Variants in MKLN1 observed in about 807,000 individuals in gnomAD.
MKLN1 encodes the protein muskelin.
Under a neutral mutation model 99.0 loss-of-function variants are expected in MKLN1, and 18 were observed. That is an observed-to-expected ratio of 0.18 (90% CI 0.13 to 0.27). MKLN1 has a LOEUF of 0.27. MKLN1 is among the 10% of genes least tolerant of loss of function. The pLI is 1.00. For synonymous variants in MKLN1, 288 were observed against 293.2 expected, an observed-to-expected ratio of 0.98 and a Z score of 0.18; for missense variants, 621 against 875.9, an observed-to-expected ratio of 0.71 and a Z score of 3.67.
At chr7:131,264,018 A>G (rs918852446) in intron 3 of MKLN1, among the ~76,000 whole-genome samples, 1 of 152,174 alleles carries the variant, frequency 6.6e-6, no homozygotes, top group African/African-American at 2.4e-5. Context: ...TATGGAGTAG[A>G]CACAGGAGTT....
rs979094402 is a variant in MKLN1, at chr7:131,478,560, T to G, written c.2032-63T>G. ...TGGTCAAAGTTATAGAAGGCTATTT[T>G]CCTTCAGTGCACTTAGCCAGCTAAT... On this transcript the variant is annotated intron_variant, in intron 16 of 17. Transcript: ENST00000352689. 11 of 1,440,286 alleles carry G rather than the reference T, an allele frequency of 7.6e-6. No individual in the cohort carries two copies. In the East Asian group the frequency reaches 2.4e-4, roughly 32 times the overall value. The allele number at this position is 1,440,286 out of a possible 1,614,324, so 89.2% of individuals were successfully genotyped here. A position where few individuals can be genotyped will look rare whatever the true frequency, so the allele number is the denominator to read the frequency against.
intron 17 of MKLN1, among the ~76,000 whole-genome samples, chr7:131,482,742 C>T (rs1797161010): frequency 6.6e-6 from 1 of 152,152 alleles, no homozygotes; most frequent in African/African-American, 2.4e-5. Context: ...CTTTTTAGAG[C>T]AGTCATTGTC....
intron 1 of MKLN1, among the ~76,000 whole-genome samples, chr7:131,356,288 T>C (rs1799876947): frequency 6.6e-6 from 1 of 152,056 alleles, no homozygotes; most frequent in African/African-American, 2.4e-5. Flanking sequence ...AGCCTGCCTT[T>C]CCCTAGCTCC....
intron 3 of MKLN1, among the ~76,000 whole-genome samples, chr7:131,292,545 C>T (rs1798236663): frequency 1.3e-5 from 2 of 152,182 alleles, no homozygotes; most frequent in South Asian, 4.1e-4. Context: ...AATCTGACTG[C>T]TGTCCTTATA....
intron 1 of MKLN1, among the ~76,000 whole-genome samples, chr7:131,370,609 G>A (rs1463605633): frequency 1.3e-5 from 2 of 151,830 alleles, no homozygotes; most frequent in Non-Finnish European, 2.9e-5. Flanking sequence ...ATGGGTTTTG[G>A]TATACCACTT....
At position 131,192,096 on chromosome 7, in the gene MKLN1, A is replaced by ATAC. The variant is rs1563247106; in HGVS notation, c.-296-10760_-296-10759insACT. On this transcript the variant is annotated intron_variant, in intron 2 of 7. Transcript: ENST00000416992. ...ATATATACATATATATTATATATAT[A>ATAC]TGTATATATATATTATATATATACG... Among the ~76,000 whole-genome samples the ATAC allele has an allele frequency of 2.9e-3, 238 of 81,486 alleles. 16 individuals carry two copies. Among genetic ancestry groups the ATAC allele is most frequent in the African/African-American group, 3.9e-3 (84 of 21,702 alleles). The allele number at this position is 81,486 out of a possible 152,430, so 53.5% of individuals were successfully genotyped here.
rs1286504602 is a variant in MKLN1, at chr7:131,429,126, C to A, written c.941C>A (p.Ser314Tyr). The A allele has an allele frequency of 6.2e-7, 1 of 1,612,516 alleles. No homozygotes were observed. Among genetic ancestry groups the A allele is most frequent in the East Asian group, 2.2e-5 (1 of 44,844 alleles). The change falls in exon 9 of 18, where the codon TCT becomes TAT. Residue 314 changes from serine (S) to tyrosine (Y), a missense_variant. Transcript: ENST00000352689. ...AAGGAGAACCAGTGGACATGTATCT[C>A]TAGAGACACTGAAAAAGAGGCAAGT... ...SVKENQWTCISRDTEKENGPS... is the reference protein window; with the variant it reads ...SVKENQWTCIYRDTEKENGPS...
At chr7:131,128,318 G>C (rs1287339571) in intron 1 of MKLN1, among the ~76,000 whole-genome samples, 9 of 152,130 alleles carry the variant, frequency 5.9e-5, no homozygotes, top group Admixed American at 2.6e-4. Context: ...CATATAATAG[G>C]GGTGATATGT....
intron 2 of MKLN1, among the ~76,000 whole-genome samples, chr7:131,380,130 G>A (rs1793799492): frequency 6.6e-6 from 1 of 152,150 alleles, no homozygotes; most frequent in Non-Finnish European, 1.5e-5. Flanking sequence ...GCCCTCACAG[G>A]GAGTGAAGTC....
intron 17 of MKLN1, among the ~76,000 whole-genome samples, chr7:131,483,925 A>C (rs1164375726): frequency 6.6e-6 from 1 of 152,220 alleles, no homozygotes; most frequent in Non-Finnish European, 1.5e-5. Context: ...ATTCACAAAT[A>C]TGGAATCTGT....
chr7:131,378,286 AT>A (rs1215828802), intron 2 of MKLN1, among the ~76,000 whole-genome samples: 1 of 152,006 alleles, frequency 6.6e-6, no homozygotes, highest in Non-Finnish European at 1.5e-5. Context: ...TAATTTTTGT[AT>A]TTTTAGTAGA....
At chr7:131,210,931 G>C (rs987462219) in intron 3 of MKLN1, among the ~76,000 whole-genome samples, 1 of 151,330 alleles carries the variant, frequency 6.6e-6, no homozygotes, top group Non-Finnish European at 1.5e-5. Flanking sequence ...GGTGGGGAAA[G>C]CTCAGTCTGA....
rs762519860 is a variant in MKLN1 at position 131,470,902 on chromosome 7, T to G, written c.1989T>G (p.Leu663=). ...LSALKYLQND[L]YITVDHSDPE... is the part of the protein sequence containing the mutation. Reference sequence around the variant, plus strand: ...CTCTGAAATATTTACAAAATGATCTTTATATAACTGTGGATCATTCAGACC... The same window carrying G: ...CTCTGAAATATTTACAAAATGATCTGTATATAACTGTGGATCATTCAGACC... The change falls in exon 16 of 18, where the codon CTT becomes CTG. Residue 663 remains leucine, a synonymous_variant. Coordinates refer to ENST00000352689, the MANE Select transcript of MKLN1 (RefSeq NM_013255.5). The G allele has an allele frequency of 1.9e-6, 3 of 1,613,006 alleles. No individual in the cohort carries two copies. The highest frequency in any genetic ancestry group is 8.5e-7 in the Non-Finnish European group (1 of 1,179,358).
At chr7:131,435,458 T>A (rs991591922) in intron 9 of MKLN1, among the ~76,000 whole-genome samples, 2 of 151,198 alleles carry the variant, frequency 1.3e-5, no homozygotes, top group Non-Finnish European at 1.5e-5. Flanking sequence ...AACAGTAGAG[T>A]TTTTTTTTCC....
At chr7:131,291,685 T>C (rs1015743110) in intron 3 of MKLN1, among the ~76,000 whole-genome samples, 1 of 149,206 alleles carries the variant, frequency 6.7e-6, no homozygotes, top group Non-Finnish European at 1.5e-5. Context: ...ATGCGACTTT[T>C]CCCATGGGGA....
At chr7:131,329,476 C>G (rs956695655) in intron 1 of MKLN1, among the ~76,000 whole-genome samples, 1 of 152,202 alleles carries the variant, frequency 6.6e-6, no homozygotes, top group Admixed American at 6.5e-5. Flanking sequence ...CTCTGATATT[C>G]TGGGCTATCT....
intron 12 of MKLN1, among the ~76,000 whole-genome samples, chr7:131,460,711 C>T (rs57399088): frequency 0.022 from 3,373 of 152,130 alleles, 147 homozygotes; most frequent in African/African-American, 0.078. Context: ...TGAAAACAGC[C>T]GTAGACAACA....
intron 1 of MKLN1, among the ~76,000 whole-genome samples, chr7:131,117,258 C>G (rs939503789): frequency 1.3e-5 from 2 of 151,932 alleles, no homozygotes; most frequent in Non-Finnish European, 2.9e-5. Flanking sequence ...GGTGAAACCT[C>G]GTCTCTACTA....
chr7:131,172,609 C>T (rs530336702), intron 2 of MKLN1, among the ~76,000 whole-genome samples: 23 of 152,224 alleles, frequency 1.5e-4, no homozygotes, highest in African/African-American at 4.8e-4. Context: ...GCCACCGTGC[C>T]GGCCAAGAAT....
Sources: gnomAD v4.1 joint callset for allele counts (sites outside exome capture counted in the v4.1 genomes callset) on GRCh38, gnomAD v4.1.1 for gene constraint, MANE v1.5 for transcripts, NCBI Gene and HGNC (gene_info 2026-07-23, HGNC 2026-07-21) for gene names.